STAU2: variants seen among roughly 807,000 people sequenced by gnomAD.
STAU2 encodes the protein staufen double-stranded RNA binding protein 2.
In STAU2, 20 loss-of-function variants were observed where a neutral mutation model predicts 65.9. The ratio of observed to expected loss-of-function variants is 0.30; its 90% confidence interval spans 0.21 to 0.44. The LOEUF is 0.44. Ranked by LOEUF, STAU2 falls within the 20% of genes least tolerant of loss-of-function variation. The pLI is 1.00. For missense variants in STAU2, 558 were observed against 683.9 expected (o/e 0.82, Z 2.05); for synonymous variants, 232 against 233.9 (o/e 0.99, Z 0.07).
Position 73,726,638 on chromosome 8 carries a change from T to C in STAU2, c.-18+11646A>G, listed in dbSNP as rs138388251. On this transcript the variant is annotated intron_variant, in intron 3 of 14. Coordinates refer to ENST00000524300, the MANE Select transcript of STAU2 (RefSeq NM_001164380.2). ...CCACTGATGTGTGTCTTATCTGCTA[T>C]TAATCCCATCCAATATATATTTTAT... Among the ~76,000 whole-genome samples the C allele has an allele frequency of 1.5e-3, 226 of 152,310 alleles. 1 individual carries two copies. The highest frequency in any genetic ancestry group is 5.3e-3 in the African/African-American group (219 of 41,580).
At chr8:73,521,750 A>G (rs989738491) in intron 13 of STAU2, among the ~76,000 whole-genome samples, 1 of 152,232 alleles carries the variant, frequency 6.6e-6, no homozygotes, top group African/African-American at 2.4e-5. Flanking sequence ...AGGTAGGCTA[A>G]GCTAAACTAA....
chr8:73,646,974 C>CGA, intron 6 of STAU2, among the ~76,000 whole-genome samples: 1 of 149,066 alleles, frequency 6.7e-6, no homozygotes, highest in East Asian at 1.9e-4. Context: ...CACACACACA[C>CGA]GAAAAGATGT....
At chr8:73,677,127 T>C (rs910147660) in intron 5 of STAU2, among the ~76,000 whole-genome samples, 1 of 152,178 alleles carries the variant, frequency 6.6e-6, no homozygotes. Flanking sequence ...TATGGAAAGA[T>C]GCTCACCTGC....
chr8:73,627,062 G>A (rs1184672578), intron 6 of STAU2, among the ~76,000 whole-genome samples: 1 of 151,810 alleles, frequency 6.6e-6, no homozygotes, highest in African/African-American at 2.4e-5. Context: ...TGTGAAGAAG[G>A]GTCCCTGGCA....
At chr8:73,739,954 C>A in intron 1 of STAU2, 86 bp from the exon 2 acceptor site, 1 of 669,042 alleles carries the variant, frequency 1.5e-6, no homozygotes, top group South Asian at 1.7e-5. Flanking sequence ...TTCTCTCACT[C>A]ATTTGCTCAG....
At chr8:73,746,306 C>T (rs113821790) in intron 1 of STAU2, among the ~76,000 whole-genome samples, 22 of 152,012 alleles carry the variant, frequency 1.4e-4, no homozygotes, top group African/African-American at 5.1e-4. Flanking sequence ...CCGGGCCGCC[C>T]TCCCCTGCCC....
intron 4 of STAU2, among the ~76,000 whole-genome samples, chr8:73,708,624 C>T (rs1447517231): frequency 6.6e-6 from 1 of 152,118 alleles, no homozygotes; most frequent in Non-Finnish European, 1.5e-5. Flanking sequence ...GGTATATTTA[C>T]TCTGTCTCCA....
At chr8:73,464,227 G>C (rs1361876883) in intron 13 of STAU2, among the ~76,000 whole-genome samples, 1 of 152,088 alleles carries the variant, frequency 6.6e-6, no homozygotes, top group Non-Finnish European at 1.5e-5. Context: ...ACCCAGTTTT[G>C]AGAGGCTACC....
At chr8:73,638,651 C>T (rs780184859) in intron 6 of STAU2, among the ~76,000 whole-genome samples, 11 of 151,908 alleles carry the variant, frequency 7.2e-5, no homozygotes, top group South Asian at 4.1e-4. Flanking sequence ...CCCATGCTTA[C>T]CTGTTTTTAA....
chr8:73,544,059 T>G (rs1202837325), intron 13 of STAU2, among the ~76,000 whole-genome samples: 1 of 152,172 alleles, frequency 6.6e-6, no homozygotes, highest in Non-Finnish European at 1.5e-5. Flanking sequence ...TGCCTAAACA[T>G]CTCACACTCA....
upstream of STAU2, among the ~76,000 whole-genome samples, chr8:73,747,116 GCT>G (rs925107887): frequency 6.6e-6 from 1 of 151,886 alleles, no homozygotes; most frequent in African/African-American, 2.4e-5. Context: ...GGCCCCAGCA[GCT>G]GCAGGCTCTG....
At chr8:73,431,113 A>C (rs1416584905) in intron 13 of STAU2, among the ~76,000 whole-genome samples, 1 of 152,232 alleles carries the variant, frequency 6.6e-6, no homozygotes, top group East Asian at 1.9e-4. Flanking sequence ...GCTTAAATCC[A>C]AGCTGTGTAA....
At chr8:73,436,997 T>C (rs1011236509) in intron 13 of STAU2, among the ~76,000 whole-genome samples, 2 of 152,238 alleles carry the variant, frequency 1.3e-5, no homozygotes, top group African/African-American at 4.8e-5. Context: ...ATATTAACTC[T>C]AAATCCTTTA....
intron 13 of STAU2, among the ~76,000 whole-genome samples, chr8:73,526,994 T>G (rs1315034599): frequency 6.6e-6 from 1 of 152,264 alleles, no homozygotes; most frequent in Non-Finnish European, 1.5e-5. Flanking sequence ...TATGACGTTT[T>G]GGTCAATAAC....
intron 6 of STAU2, among the ~76,000 whole-genome samples, chr8:73,649,874 TATATATATATATATATATA>T (rs1815719410): frequency 1.4e-4 from 16 of 112,988 alleles, no homozygotes; most frequent in East Asian, 7.3e-4. Flanking sequence ...TAATTTTATA[TATATATATATATATATATA>T]TATATATATA....
intron 13 of STAU2, among the ~76,000 whole-genome samples, chr8:73,475,445 T>C (rs569112782): frequency 3.3e-5 from 5 of 152,142 alleles, no homozygotes; most frequent in African/African-American, 4.8e-5. Flanking sequence ...ACCCGGAACA[T>C]ATGAATGAGT....
intron 12 of STAU2, among the ~76,000 whole-genome samples, chr8:73,566,631 G>A (rs551997297): frequency 3.9e-4 from 59 of 152,238 alleles, no homozygotes; most frequent in African/African-American, 1.3e-3. Flanking sequence ...GGCAACTGCA[G>A]AGACCCTGGA....
chr8:73,734,781 G>A (rs1376513551), intron 3 of STAU2, among the ~76,000 whole-genome samples: 1 of 151,566 alleles, frequency 6.6e-6, no homozygotes, highest in Non-Finnish European at 1.5e-5. Flanking sequence ...GCAACAGAGT[G>A]AGACTCCATC....
chr8:73,609,381 C>T (rs1300927558), intron 9 of STAU2, among the ~76,000 whole-genome samples: 5 of 151,956 alleles, frequency 3.3e-5, no homozygotes, highest in African/African-American at 4.8e-5. Context: ...GGGCCGGGCG[C>T]GGTGGCTCAT....
Sources: gnomAD v4.1 joint callset for allele counts (sites outside exome capture counted in the v4.1 genomes callset) on GRCh38, gnomAD v4.1.1 for gene constraint, MANE v1.5 for transcripts, NCBI Gene and HGNC (gene_info 2026-07-23, HGNC 2026-07-21) for gene names.